Variants in SLC9C1 observed in about 807,000 individuals in gnomAD.
SLC9C1 encodes solute carrier family 9 member C1.
SLC9C1 carries 97 observed loss-of-function variants against 140.9 expected under a neutral mutation model. The ratio of observed to expected loss-of-function variants is 0.69; its 90% CI spans 0.58 to 0.82. The LOEUF is 0.82. Among genes scored for constraint, SLC9C1 ranks in the 40% least tolerant of loss-of-function variants. The pLI is 0.00. For missense variants in SLC9C1, 1,340 were observed against 1,389.3 expected (o/e 0.96, Z 0.56); for synonymous variants, 440 against 442.6 (o/e 0.99, Z 0.07).
At chr3:112,215,845 G>C (rs1434229818) in intron 15 of SLC9C1, among the ~76,000 whole-genome samples, 1 of 152,064 alleles carries the variant, frequency 6.6e-6, no homozygotes, top group Admixed American at 6.5e-5. Flanking sequence ...CACAGAATTG[G>C]AAAAAACTAC....
At chr3:112,150,414 ACTT>A (rs1380383929) in intron 28 of SLC9C1, among the ~76,000 whole-genome samples, 1 of 152,022 alleles carries the variant, frequency 6.6e-6, no homozygotes, top group Non-Finnish European at 1.5e-5. Flanking sequence ...GAAGCTCTCT[ACTT>A]CTCTCATATA....
intron 3 of SLC9C1, among the ~76,000 whole-genome samples, chr3:112,279,265 G>A (rs1437615500): frequency 1.3e-5 from 2 of 152,078 alleles, no homozygotes; most frequent in African/African-American, 2.4e-5. Flanking sequence ...GTTTCTCCAC[G>A]GTTTATGCAT....
At position 112,211,693 on chromosome 3, in the gene SLC9C1, A is replaced by C. The variant is rs1018721489; in HGVS notation, c.1791-3320T>G. Reference sequence around the variant, plus strand: ...CACCATTGCTGAGGCTTGAGTAGGTAAATAAAGTGGCCGGGAGGCTCAAGC... The same window carrying C: ...CACCATTGCTGAGGCTTGAGTAGGTCAATAAAGTGGCCGGGAGGCTCAAGC... On this transcript the variant is annotated intron_variant, in intron 15 of 28. Coordinates refer to ENST00000305815, the MANE Select transcript of SLC9C1 (RefSeq NM_183061.3). Among the ~76,000 whole-genome samples the C allele has an allele frequency of 5.1e-4, 77 of 152,326 alleles. 1 individual carries two copies. Among genetic ancestry groups the C allele is most frequent in the Middle Eastern group, 3.4e-3 (1 of 294 alleles).
At chr3:112,258,841 T>C (rs1318903540) in intron 10 of SLC9C1, among the ~76,000 whole-genome samples, 1 of 152,020 alleles carries the variant, frequency 6.6e-6, no homozygotes, top group Non-Finnish European at 1.5e-5. Context: ...TGGGGAGGAC[T>C]CAGGAAACTT....
Position 112,280,667 on chromosome 3 carries a change from C to T in SLC9C1, c.189+16G>A. The T allele has an allele frequency of 6.4e-7, 1 of 1,558,628 alleles. No homozygotes were observed. On this transcript the variant is annotated intron_variant, in intron 3 of 28. Transcript: ENST00000305815. ...TCTCAAATAAATAGTGTAAAATACTCATTTACAATACACACCTGTGAAGAT... is the reference window on the plus strand; with the variant it reads ...TCTCAAATAAATAGTGTAAAATACTTATTTACAATACACACCTGTGAAGAT...
rs183108768 is a variant in SLC9C1 at position 112,263,119 on chromosome 3, T to C, written c.1023-21A>G. ...GAAATCTAAAAGACAAAACAATTTT[T>C]ACAAAGTTATTCTTTCATATGAGTT... On this transcript the variant is annotated intron_variant, in intron 9 of 28. Transcript: ENST00000305815. 2.1e-4 allele frequency: 331 copies of C among 1,542,852 alleles called. No individual in the cohort carries two copies. In the East Asian group the frequency reaches 7.4e-3, roughly 35 times the overall value.
chr3:112,147,762 C>T (rs11914637), intron 28 of SLC9C1, among the ~76,000 whole-genome samples: 70,005 of 151,730 alleles, frequency 0.46, 16,576 homozygotes, highest in East Asian at 0.64. Flanking sequence ...GTGTTGGGGA[C>T]GTTCATTTTG....
chr3:112,176,631 A>G (rs1023015571), intron 23 of SLC9C1, among the ~76,000 whole-genome samples: 3 of 152,108 alleles, frequency 2.0e-5, no homozygotes, highest in Non-Finnish European at 2.9e-5. Flanking sequence ...CACTACAGAG[A>G]TTCTAGATTA....
At chr3:112,283,306 A>G (rs1487730938) in intron 2 of SLC9C1, among the ~76,000 whole-genome samples, 1 of 152,044 alleles carries the variant, frequency 6.6e-6, no homozygotes, top group Non-Finnish European at 1.5e-5. Context: ...AACAAAATGA[A>G]ATCCTGTCTC....
chr3:112,279,193 A>G (rs2080295743), intron 3 of SLC9C1, among the ~76,000 whole-genome samples: 1 of 152,204 alleles, frequency 6.6e-6, no homozygotes, highest in Non-Finnish European at 1.5e-5. Context: ...GGAAACACTG[A>G]GTACCTACTG....
intron 16 of SLC9C1, among the ~76,000 whole-genome samples, chr3:112,206,945 G>A (rs2078069965): frequency 6.6e-6 from 1 of 152,144 alleles, no homozygotes; most frequent in African/African-American, 2.4e-5. Flanking sequence ...GTTTACATAT[G>A]TAATAAACCT....
At chr3:112,291,471 C>A (rs1234840584) in intron 1 of SLC9C1, among the ~76,000 whole-genome samples, 1 of 151,850 alleles carries the variant, frequency 6.6e-6, no homozygotes, top group African/African-American at 2.4e-5. Flanking sequence ...CAAGACACTT[C>A]TAAAAAGAAG....
At position 112,284,986 on chromosome 3, in the gene SLC9C1, T is replaced by TTTTC. The variant is rs1553707429; in HGVS notation, c.88+1717_88+1718insGAAA. ...TTATTAGAAAAAAATACAATTTTTC[T>TTTTC]TTTTTTTTTTTTTTTTTTGAGACAG... On this transcript the variant is annotated intron_variant, in intron 2 of 28. Transcript: ENST00000305815. 1.6e-4 allele frequency among the ~76,000 whole-genome samples: 3 copies of TTTTC among 18,738 alleles called. No individual in the cohort carries two copies. In the East Asian group the frequency reaches 0.065, roughly 407 times the overall value. The allele number at this position is 18,738 out of a possible 152,430, so 12.3% of individuals were successfully genotyped here.
At chr3:112,218,915 G>A (rs893287370) in intron 14 of SLC9C1, among the ~76,000 whole-genome samples, 8 of 152,106 alleles carry the variant, frequency 5.3e-5, no homozygotes, top group African/African-American at 1.7e-4. Flanking sequence ...CTATTTAACC[G>A]GATAGTGAGG....
At chr3:112,159,087 T>C (rs977190528) in intron 26 of SLC9C1, among the ~76,000 whole-genome samples, 3 of 151,870 alleles carry the variant, frequency 2.0e-5, no homozygotes, top group African/African-American at 7.2e-5. Flanking sequence ...GGTGTGTCAT[T>C]AGATTTTTTT....
At chr3:112,145,522 G>C (rs906641964) in intron 28 of SLC9C1, among the ~76,000 whole-genome samples, 1 of 146,424 alleles carries the variant, frequency 6.8e-6, no homozygotes, top group South Asian at 2.2e-4. Flanking sequence ...AATAGTTTCA[G>C]TAGAATTAGT....
chr3:112,229,313 G>C (rs1481999481), intron 13 of SLC9C1, among the ~76,000 whole-genome samples: 1 of 152,002 alleles, frequency 6.6e-6, no homozygotes, highest in African/African-American at 2.4e-5. Context: ...TTTTCATATA[G>C]TTAGAAGACA....
At chr3:112,168,025 C>T (rs1162993619) in intron 25 of SLC9C1, among the ~76,000 whole-genome samples, 1 of 152,136 alleles carries the variant, frequency 6.6e-6, no homozygotes, top group Non-Finnish European at 1.5e-5. Flanking sequence ...GGGATCCCTC[C>T]CATTCCCATT....
intron 28 of SLC9C1, among the ~76,000 whole-genome samples, chr3:112,147,696 C>T (rs1602671): frequency 0.3 from 45,402 of 152,014 alleles, 6,991 homozygotes; most frequent in East Asian, 0.35. Context: ...TACCCTATTT[C>T]GCTGACTTTA....
Sources: allele counts gnomAD v4.1 joint callset (sites outside exome capture counted in the v4.1 genomes callset), GRCh38; gene constraint gnomAD v4.1.1; transcripts MANE v1.5; gene names NCBI Gene and HGNC (gene_info 2026-07-23, HGNC 2026-07-21).